FNDC1: variants seen among roughly 807,000 people sequenced by gnomAD.
FNDC1 encodes the protein fibronectin type III domain-containing protein 1.
A neutral mutation model predicts 168.0 loss-of-function variants in FNDC1; 96 were observed. The observed-to-expected ratio is 0.57, with a 90% confidence interval of 0.48 to 0.68. The LOEUF (loss-of-function observed/expected upper bound fraction) is 0.68, where lower values mean the gene tolerates loss of function less well. Among genes scored for constraint, FNDC1 ranks in the 30% least tolerant of loss-of-function variants. The pLI is 0.00. For synonymous variants in FNDC1, 1,099 were observed against 1,025.9 expected, an observed-to-expected ratio of 1.07 and a Z score of -1.36; for missense variants, 2,587 against 2,482.1, an observed-to-expected ratio of 1.04 and a Z score of -0.90.
intron 21 of FNDC1, among the ~76,000 whole-genome samples, chr6:159,266,978 T>C (rs1777607474): frequency 6.6e-6 from 1 of 152,170 alleles, no homozygotes; most frequent in Non-Finnish European, 1.5e-5. Context: ...ACACAGCAAA[T>C]TTGTTTTTTA....
rs562030987 is a variant in FNDC1, at chr6:159,233,391, C to G, written c.2879C>G (p.Thr960Arg). Residue 960 changes from threonine to arginine, a missense_variant, in exon 11 of 23, where the codon ACG becomes AGG. By Grantham distance (71) the Thr-to-Arg change is moderately conservative (BLOSUM62 -1). Coordinates refer to ENST00000297267, the MANE Select transcript of FNDC1 (RefSeq NM_032532.3). The surrounding 1 kb of genome is among the most constrained non-coding windows in gnomAD (Gnocchi z 4.6). ...GTTCAACAGAGCACAGACGCGGACA[C>G]GGAGGGTCATTCTCCCAAAGCACAG... ...QDVQQSTDADTEGHSPKAQPG... is the reference protein window; with the variant it reads ...QDVQQSTDADREGHSPKAQPG... The G allele has an allele frequency of 2.5e-6, 4 of 1,613,478 alleles. No individual in the cohort carries two copies. In the South Asian group the frequency reaches 4.4e-5, roughly 18 times the overall value.
intron 1 of FNDC1, among the ~76,000 whole-genome samples, chr6:159,196,069 C>A (rs140414692): frequency 3.9e-5 from 6 of 152,186 alleles, no homozygotes; most frequent in African/African-American, 1.4e-4. Context: ...AGAACAGTAA[C>A]CACTATTGCT....
At chr6:159,197,379 C>A (rs746663060) in intron 1 of FNDC1, 52 bp from the exon 2 acceptor site, 43 of 1,493,654 alleles carry the variant, frequency 2.9e-5, no homozygotes, top group Non-Finnish European at 3.8e-5. Context: ...TAAAAAAATT[C>A]GTTTTCCCAA....
At chr6:159,186,451 G>A (rs999844740) in intron 1 of FNDC1, among the ~76,000 whole-genome samples, 4 of 152,208 alleles carry the variant, frequency 2.6e-5, no homozygotes, top group African/African-American at 9.7e-5. Flanking sequence ...TGGTGCAGGT[G>A]AACTTGGCTG....
chr6:159,200,075 C>G lies in FNDC1; in HGVS notation c.384C>G (p.Ser128Arg), dbSNP rs773384433. ...GVSRPVYRAESPPGGEWIEID... is the reference protein window; with the variant it reads ...GVSRPVYRAERPPGGEWIEID... The stretch of plus-strand genomic sequence containing the variant: ...GCCGTCCTGTTTACAGAGCTGAAAG[C>G]CCACCTGGTAAGTCCTATCTAGAAT... Residue 128 changes from serine to arginine, a missense_variant, in exon 3 of 23, where the codon AGC (serine) becomes AGG (arginine). By Grantham distance (110) the Ser-to-Arg change is moderately radical. Transcript: ENST00000297267. The G allele has an allele frequency of 6.3e-7, 1 of 1,594,276 alleles. No homozygotes were observed. The highest frequency in any genetic ancestry group is 2.3e-5 in the East Asian group (1 of 44,090).
intron 4 of FNDC1, among the ~76,000 whole-genome samples, chr6:159,207,222 T>G (rs1782503636): frequency 6.6e-6 from 1 of 152,138 alleles, no homozygotes; most frequent in Non-Finnish European, 1.5e-5. Flanking sequence ...GCATTTCACG[T>G]GAAGACACAA....
At chr6:159,173,248 T>C (rs1781697115) in intron 1 of FNDC1, among the ~76,000 whole-genome samples, 1 of 147,820 alleles carries the variant, frequency 6.8e-6, no homozygotes, top group East Asian at 2.0e-4. Context: ...GGCAGTGCTG[T>C]CCTGCACCTC....
At chr6:159,180,399 T>TGGAAG (rs1583850721) in intron 1 of FNDC1, among the ~76,000 whole-genome samples, 1 of 152,246 alleles carries the variant, frequency 6.6e-6, no homozygotes. Flanking sequence ...AATATATTTT[T>TGGAAG]GGAAGGGATA....
intron 1 of FNDC1, among the ~76,000 whole-genome samples, chr6:159,191,872 CT>C (rs933606146): frequency 4.6e-5 from 7 of 150,966 alleles, no homozygotes; most frequent in South Asian, 2.1e-4. Flanking sequence ...ATTAGTCGTG[CT>C]TTTTTTTTGT....
chr6:159,184,660 G>T (rs1781955502), intron 1 of FNDC1, among the ~76,000 whole-genome samples: 1 of 151,978 alleles, frequency 6.6e-6, no homozygotes, highest in South Asian at 2.1e-4. Context: ...GGTGATTTTG[G>T]GTACAGTAAT....
intron 4 of FNDC1, among the ~76,000 whole-genome samples, chr6:159,205,323 TTC>T (rs1348474453): frequency 6.6e-6 from 1 of 152,228 alleles, no homozygotes; most frequent in Non-Finnish European, 1.5e-5. Flanking sequence ...TTTTGGCCTT[TTC>T]TGTCAGTATT....
In FNDC1 at chr6:159,214,974, G is replaced by A. The variant is rs1401391320; in HGVS notation, c.490G>A (p.Val164Met). ...GGAAGTGCCCAACAAGCCCTTGCGT[G>A]TGCGTGTCCGGTCCTCAGATGACAG... ...EKEVPNKPLR[V>M]RVRSSDDRLS... Residue 164 changes from valine (V) to methionine (M), a missense_variant, in exon 5 of 23, where the codon GTG becomes ATG. Coordinates refer to ENST00000297267, the MANE Select transcript of FNDC1 (RefSeq NM_032532.3). 1.9e-6 allele frequency: 3 copies of A among 1,613,884 alleles called. No homozygotes were observed. In the African/African-American group the frequency reaches 4.0e-5, roughly 22 times the overall value.
rs373559513 is a variant in FNDC1 at position 159,238,629 on chromosome 6, C to T, written c.4144C>T (p.Arg1382Trp). The change falls in exon 13 of 23, where the codon CGG becomes TGG. Residue 1382 changes from arginine to tryptophan, a missense_variant. Physicochemically the swap from Arg to Trp is moderately radical, Grantham distance 101 (BLOSUM62 -3). Transcript: ENST00000297267. ...YLQDSHGNPL[R>W]IKLGGDGRTI... ...CCAAGATTCACATGGAAATCCTCTT[C>T]GGATTAAACTAGGAGGAGATGGTCG... 16 of 1,609,444 alleles carry T rather than the reference C, an allele frequency of 9.9e-6. No homozygotes were observed. Among genetic ancestry groups the T allele is most frequent in the Middle Eastern group, 1.6e-4 (1 of 6,082 alleles).
At chr6:159,255,757 G>A (rs1583916033) in intron 17 of FNDC1, among the ~76,000 whole-genome samples, 1 of 152,124 alleles carries the variant, frequency 6.6e-6, no homozygotes, top group Non-Finnish European at 1.5e-5. Context: ...ATAATGTTTG[G>A]CTCAAAGGAA....
In FNDC1 at chr6:159,234,388, C is replaced by T; in HGVS notation, c.3876C>T (p.Thr1292=). 2 of 1,613,466 alleles carry T rather than the reference C, an allele frequency of 1.2e-6. No individual in the cohort carries two copies. Among genetic ancestry groups the T allele is most frequent in the Non-Finnish European group, 8.5e-7 (1 of 1,179,758 alleles). ...GCGCCCCACCTGGCCACTTCTCCAC[C>T]ACCCCGATGCTGTCCTTGCGCCAGA... ...TTRAPPGHFS[T]TPMLSLRQRM... The change falls in exon 11 of 23, where the codon ACC becomes ACT. Residue 1292 remains threonine, a synonymous_variant. Coordinates refer to ENST00000297267, the MANE Select transcript of FNDC1 (RefSeq NM_032532.3).
rs754231722 is a variant in FNDC1 at position 159,233,146 on chromosome 6, C to G, written c.2634C>G (p.Asp878Glu). 1 of 1,605,748 alleles carries G rather than the reference C, an allele frequency of 6.2e-7. No individual in the cohort carries two copies. Among genetic ancestry groups the G allele is most frequent in the Non-Finnish European group, 8.5e-7 (1 of 1,176,372 alleles). Reference sequence around the variant, plus strand: ...AGCTTAGCTCAGGTATCCATGGAGACGAGGAGGATGAGAAGCCGCTTCCTG... The same window carrying G: ...AGCTTAGCTCAGGTATCCATGGAGAGGAGGAGGATGAGAAGCCGCTTCCTG... ...HPKLSSGIHGDEEDEKPLPAT... is the reference protein window; with the variant it reads ...HPKLSSGIHGEEEDEKPLPAT... Residue 878 changes from aspartate to glutamate, a missense_variant, in exon 11 of 23, where the codon GAC (aspartate) becomes GAG (glutamate). Transcript: ENST00000297267. The surrounding 1 kb of genome is among the most constrained non-coding windows in gnomAD (Gnocchi z 4.6).
rs1481654029 is a variant in FNDC1, at chr6:159,233,215, C to T, written c.2703C>T (p.Pro901=). The T allele has an allele frequency of 1.9e-6, 3 of 1,613,484 alleles. No homozygotes were observed. In the Admixed American group the frequency reaches 5.0e-5, roughly 27 times the overall value. Residue 901 remains proline (P), a synonymous_variant, in exon 11 of 23, where the codon CCC becomes CCT. Coordinates refer to ENST00000297267, the MANE Select transcript of FNDC1 (RefSeq NM_032532.3). The surrounding 1 kb of genome is among the most constrained non-coding windows in gnomAD (Gnocchi z 4.6). ...NDHVPSSSRQ[P]ISRGWEDLRR... is the part of the protein sequence containing the mutation. ...ACGTGCCTTCCTCCTCCAGGCAGCC[C>T]ATCTCCCGGGGCTGGGAGGACTTAA... is the stretch of plus-strand genomic sequence containing the variant.
At chr6:159,230,696 G>A (rs1261720452) in intron 10 of FNDC1, among the ~76,000 whole-genome samples, 2 of 152,174 alleles carry the variant, frequency 1.3e-5, no homozygotes, top group African/African-American at 2.4e-5. Context: ...TTTGGACCAT[G>A]TTTTCTTTTC....
intron 15 of FNDC1, among the ~76,000 whole-genome samples, chr6:159,248,602 C>G (rs1319042199): frequency 6.6e-6 from 1 of 151,590 alleles, no homozygotes; most frequent in Admixed American, 6.6e-5. Flanking sequence ...CCACACCTGG[C>G]CAAAAAAAAA....
Sources: allele counts gnomAD v4.1 joint callset (sites outside exome capture counted in the v4.1 genomes callset), GRCh38; gene constraint gnomAD v4.1.1; non-coding constraint Gnocchi (gnomAD v3.1); transcripts MANE v1.5; gene names NCBI Gene and HGNC (gene_info 2026-07-23, HGNC 2026-07-21).